SPEM2: variants seen among roughly 807,000 people sequenced by gnomAD.
SPEM2 encodes the protein uncharacterized protein SPEM2.
Under a neutral mutation model 9.3 loss-of-function variants are expected in SPEM2, and 15 were observed. The ratio of observed to expected loss-of-function variants is 1.62; its 90% CI spans 1.08 to 2.50. SPEM2 has a LOEUF of 2.50. SPEM2 is among the 30% of genes most tolerant of loss of function. The pLI is 0.00. For missense variants in SPEM2, 678 were observed against 690.0 expected (o/e 0.98, Z 0.19); for synonymous variants, 268 against 272.4 (o/e 0.98, Z 0.16).
Position 7,425,798 on chromosome 17 carries a change from T to A in SPEM2, c.110T>A (p.Val37Asp), listed in dbSNP as rs1567666810. ...CTGCTGCTGGGCCTCATCGTTCTTG[T>A]CAACATTGGCATCAACGTGGCAACT... ...LLLLLGLIVL[V>D]NIGINVATMM... Residue 37 changes from valine (V) to aspartate (D), a missense_variant, in exon 1 of 3, where the codon GTC becomes GAC. Transcript: ENST00000333870. 1 of 1,614,174 alleles carries A rather than the reference T, an allele frequency of 6.2e-7. No individual in the cohort carries two copies. Among genetic ancestry groups the A allele is most frequent in the East Asian group, 2.2e-5 (1 of 44,872 alleles).
chr17:7,427,523 G>T lies in SPEM2; in HGVS notation c.*26G>T. On this transcript the variant is annotated 3_prime_UTR_variant, in exon 3 of 3. Coordinates refer to ENST00000333870, the MANE Select transcript of SPEM2 (RefSeq NM_175734.5). This position sits in a 1 kb window ranked among gnomAD's most constrained non-coding sequence, Gnocchi z 5.4. ...CCAGCAGGCGGATGTGGGGTGTGGG[G>T]CAGGGCATGGAGGGAGAGGAATAAA... The T allele has an allele frequency of 1.9e-6, 3 of 1,546,302 alleles. No individual in the cohort carries two copies. The highest frequency in any genetic ancestry group is 2.6e-6 in the Non-Finnish European group (3 of 1,145,584).
In SPEM2 at chr17:7,426,944, C is replaced by T. The variant is rs371985456; in HGVS notation, c.953C>T (p.Thr318Met). 30 of 1,612,872 alleles carry T rather than the reference C, an allele frequency of 1.9e-5. No individual in the cohort carries two copies. The South Asian group carries it at 2.9e-4, about 15-fold the overall frequency. Residue 318 changes from threonine to methionine, a missense_variant, in exon 3 of 3, where the codon ACG becomes ATG. Thr to Met is a moderately conservative substitution (Grantham distance 81, BLOSUM62 -1). Coordinates refer to ENST00000333870, the MANE Select transcript of SPEM2 (RefSeq NM_175734.5). This position sits in a 1 kb window ranked among gnomAD's most constrained non-coding sequence, Gnocchi z 5.3. ...TCCTGGGATCAGCGGCGTCGTGGCACGGAGGGCTTTGAGCGCCCCCCTGCC... is the reference window on the plus strand; with the variant it reads ...TCCTGGGATCAGCGGCGTCGTGGCATGGAGGGCTTTGAGCGCCCCCCTGCC... Reference protein sequence around the residue: ...YDSWDQRRRGTEGFERPPASV... With the variant: ...YDSWDQRRRGMEGFERPPASV...
chr17:7,427,144 G>T lies in SPEM2; in HGVS notation c.1153G>T (p.Ala385Ser). 1.2e-6 allele frequency: 2 copies of T among 1,613,530 alleles called. No individual in the cohort carries two copies. Among genetic ancestry groups the T allele is most frequent in the Non-Finnish European group, 1.7e-6 (2 of 1,179,738 alleles). Residue 385 changes from alanine to serine, a missense_variant, in exon 3 of 3, where the codon GCA becomes TCA. Physicochemically the swap from Ala to Ser is moderately conservative, Grantham distance 99 (BLOSUM62 1). Coordinates refer to ENST00000333870, the MANE Select transcript of SPEM2 (RefSeq NM_175734.5). This position sits in a 1 kb window ranked among gnomAD's most constrained non-coding sequence, Gnocchi z 5.4. ...GGACCCCCGTGAGGTGCGGCGTCGG[G>T]CAGCTGACTGGGCTGAGGCTCTGCC... ...SQDPREVRRR[A>S]ADWAEALPAW...
rs377432669 is a variant in SPEM2, at chr17:7,426,735, G to C, written c.744G>C (p.Glu248Asp). The change falls in exon 3 of 3, where the codon GAG (glutamate) becomes GAC (aspartate). Residue 248 changes from glutamate to aspartate, a missense_variant. Coordinates refer to ENST00000333870, the MANE Select transcript of SPEM2 (RefSeq NM_175734.5). This position sits in a 1 kb window ranked among gnomAD's most constrained non-coding sequence, Gnocchi z 5.3. ...PELRCMPKRV[E>D]ARSELRLQSY... ...TGCGCTGCATGCCCAAGCGTGTAGA[G>C]GCCAGGTCTGAGCTGAGGCTGCAGT... 1 of 1,611,474 alleles carries C rather than the reference G, an allele frequency of 6.2e-7. No homozygotes were observed. The highest frequency in any genetic ancestry group is 1.3e-5 in the African/African-American group (1 of 74,880).
At position 7,426,385 on chromosome 17, in the gene SPEM2, C is replaced by G. The variant is rs373020435; in HGVS notation, c.394C>G (p.Arg132Gly). 1 of 1,613,552 alleles carries G rather than the reference C, an allele frequency of 6.2e-7. No homozygotes were observed. The highest frequency in any genetic ancestry group is 1.1e-5 in the South Asian group (1 of 91,084). The change falls in exon 3 of 3, where the codon CGC becomes GGC. Residue 132 changes from arginine to glycine, a missense_variant. Arg to Gly is a moderately radical substitution (Grantham distance 125). Transcript: ENST00000333870. The surrounding 1 kb of genome is among the most constrained non-coding windows in gnomAD (Gnocchi z 5.3). ...TGTTCGTCGCCGCCGCCGCCGCCAC[C>G]GCCGTTGTCGCCGTCGCTGCTGCAA... is the stretch of plus-strand genomic sequence containing the variant. ...RCVRRRRRRHRRCRRRCCNHQ... is the reference protein window; with the variant it reads ...RCVRRRRRRHGRCRRRCCNHQ...
Position 7,425,622 on chromosome 17 carries a change from G to T in SPEM2, c.-67G>T. ...ATCTCCGGGGATTGGCATGAGTGCA[G>T]TGTGGGTTGGGGCCGGGGGTGGGGG... On this transcript the variant is annotated 5_prime_UTR_variant, in exon 1 of 3. Coordinates refer to ENST00000333870, the MANE Select transcript of SPEM2 (RefSeq NM_175734.5). 6.6e-7 allele frequency: 1 copy of T among 1,523,460 alleles called. No homozygotes were observed. The highest frequency in any genetic ancestry group is 8.9e-7 in the Non-Finnish European group (1 of 1,128,018). The allele number at this position is 1,523,460 out of a possible 1,614,324, so 94.4% of individuals were successfully genotyped here.
At position 7,427,321 on chromosome 17, in the gene SPEM2, A is replaced by G. The variant is rs763606341; in HGVS notation, c.1330A>G (p.Met444Val). 1.2e-5 allele frequency: 19 copies of G among 1,613,782 alleles called. No individual in the cohort carries two copies. The highest frequency in any genetic ancestry group is 1.6e-5 in the Non-Finnish European group (19 of 1,179,944). Residue 444 changes from methionine (M) to valine (V), a missense_variant, in exon 3 of 3, where the codon ATG becomes GTG. Transcript: ENST00000333870. This position sits in a 1 kb window ranked among gnomAD's most constrained non-coding sequence, Gnocchi z 5.4. ...TGCGGACCCTGCCCCTCCCCCGACC[A>G]TGTTTGTCCCACTCAGCCGGAATCC... ...QAADPAPPPT[M>V]FVPLSRNPGG...
rs376609224 is a variant in SPEM2 at position 7,426,395 on chromosome 17, G to A, written c.404G>A (p.Arg135His). The stretch of plus-strand genomic sequence containing the variant: ...CGCCGCCGCCGCCACCGCCGTTGTC[G>A]CCGTCGCTGCTGCAACCACCAGCAG... ...RRRRRRHRRC[R>H]RRCCNHQQRP... Residue 135 changes from arginine (R) to histidine (H), a missense_variant, in exon 3 of 3, where the codon CGC becomes CAC. Arg to His is a conservative substitution (Grantham distance 29, BLOSUM62 0). Transcript: ENST00000333870. This position sits in a 1 kb window ranked among gnomAD's most constrained non-coding sequence, Gnocchi z 5.3. The A allele has an allele frequency of 7.4e-6, 12 of 1,613,394 alleles. No individual in the cohort carries two copies. The highest frequency in any genetic ancestry group is 4.5e-5 in the East Asian group (2 of 44,878).
Position 7,426,515 on chromosome 17 carries a change from T to A in SPEM2, c.524T>A (p.Phe175Tyr), listed in dbSNP as rs374770883. The A allele has an allele frequency of 3.1e-6, 5 of 1,614,008 alleles. No homozygotes were observed. The African/African-American group carries it at 6.7e-5, about 22-fold the overall frequency. ...QKMSQLHRVP[F>Y]FDQEDPDSYL... ...ATGTCACAACTACACCGAGTGCCTT[T>A]CTTTGATCAGGAGGACCCGGATTCC... The change falls in exon 3 of 3, where the codon TTC becomes TAC. Residue 175 changes from phenylalanine to tyrosine, a missense_variant. Phe to Tyr is a conservative substitution (Grantham distance 22). Coordinates refer to ENST00000333870, the MANE Select transcript of SPEM2 (RefSeq NM_175734.5). This position sits in a 1 kb window ranked among gnomAD's most constrained non-coding sequence, Gnocchi z 5.3.
rs767960254 is a variant in SPEM2 at position 7,426,583 on chromosome 17, T to A, written c.592T>A (p.Tyr198Asn). Residue 198 changes from tyrosine (Y) to asparagine (N), a missense_variant, in exon 3 of 3, where the codon TAC becomes AAC. Transcript: ENST00000333870. This position sits in a 1 kb window ranked among gnomAD's most constrained non-coding sequence, Gnocchi z 5.3. ...EDNLPFPYPK[Y>N]PRRGWGGFYQ... ...CAACCTGCCCTTCCCGTATCCCAAG[T>A]ACCCACGTCGCGGCTGGGGCGGGTT... The A allele has an allele frequency of 6.2e-7, 1 of 1,614,138 alleles. No individual in the cohort carries two copies. The highest frequency in any genetic ancestry group is 8.5e-7 in the Non-Finnish European group (1 of 1,179,990).
chr17:7,426,215 C>A lies in SPEM2; in HGVS notation c.224C>A (p.Pro75Gln). ...GAAATTCAGGCCAGTGAAAGTCCCCCAAGTGGTCCCCCAGACAAGGCTCAG... is the reference window on the plus strand; with the variant it reads ...GAAATTCAGGCCAGTGAAAGTCCCCAAAGTGGTCCCCCAGACAAGGCTCAG... ...KNEIQASESP[P>Q]SGPPDKAQDV... Residue 75 changes from proline (P) to glutamine (Q), a missense_variant, in exon 3 of 3, where the codon CCA (proline) becomes CAA (glutamine). Pro to Gln is a moderately conservative substitution (Grantham distance 76, BLOSUM62 -1). Transcript: ENST00000333870. The surrounding 1 kb of genome is among the most constrained non-coding windows in gnomAD (Gnocchi z 5.3). The A allele has an allele frequency of 6.2e-7, 1 of 1,613,850 alleles. No homozygotes were observed. The highest frequency in any genetic ancestry group is 8.5e-7 in the Non-Finnish European group (1 of 1,179,816).
At position 7,426,765 on chromosome 17, in the gene SPEM2, TG is replaced by T; in HGVS notation, c.777del (p.Arg260AlafsTer139). 6.2e-7 allele frequency: 1 copy of T among 1,604,124 alleles called. No homozygotes were observed. The highest frequency in any genetic ancestry group is 8.5e-7 in the Non-Finnish European group (1 of 1,174,324). ...ARSELRLQSY[G>X]RHGSQSRLWG... is the part of the protein sequence containing the mutation. ...GGTCTGAGCTGAGGCTGCAGTCCTATGGGCGCCACGGTTCCCAATCCCGACT... is the reference window on the plus strand; with the variant it reads ...GGTCTGAGCTGAGGCTGCAGTCCTATGGCGCCACGGTTCCCAATCCCGACT... On this transcript the variant is annotated frameshift_variant, in exon 3 of 3. Coordinates refer to ENST00000333870, the MANE Select transcript of SPEM2 (RefSeq NM_175734.5). LOFTEE classifies it low-confidence loss of function (END_TRUNC). This position sits in a 1 kb window ranked among gnomAD's most constrained non-coding sequence, Gnocchi z 5.3.
Position 7,426,737 on chromosome 17 carries a change from C to G in SPEM2, c.746C>G (p.Ala249Gly), listed in dbSNP as rs1336141581. ...CGCTGCATGCCCAAGCGTGTAGAGG[C>G]CAGGTCTGAGCTGAGGCTGCAGTCC... Reference protein sequence around the residue: ...ELRCMPKRVEARSELRLQSYG... With the variant: ...ELRCMPKRVEGRSELRLQSYG... The change falls in exon 3 of 3, where the codon GCC becomes GGC. Residue 249 changes from alanine to glycine, a missense_variant. Physicochemically the swap from Ala to Gly is moderately conservative, Grantham distance 60 (BLOSUM62 0). Transcript: ENST00000333870. This position sits in a 1 kb window ranked among gnomAD's most constrained non-coding sequence, Gnocchi z 5.3. 6.2e-7 allele frequency: 1 copy of G among 1,611,240 alleles called. No homozygotes were observed. Among genetic ancestry groups the G allele is most frequent in the Admixed American group, 1.7e-5 (1 of 59,828 alleles).
chr17:7,425,915 T>C (rs1296467669), intron 1 of SPEM2, 78 bp from the exon 2 acceptor site: 2 of 1,607,158 alleles, frequency 1.2e-6, no homozygotes, highest in Admixed American at 1.7e-5. Context: ...GCAGGTGCGG[T>C]CTAGATTGGG....
intron 1 of SPEM2, 25 bp downstream of exon 1, chr17:7,425,851 C>T (rs775533955): frequency 1.2e-6 from 2 of 1,613,872 alleles, no homozygotes; most frequent in South Asian, 1.1e-5. Flanking sequence ...TGGACTACCT[C>T]TGGGGGTGAA....
At position 7,427,312 on chromosome 17, in the gene SPEM2, C is replaced by T. The variant is rs774666797; in HGVS notation, c.1321C>T (p.Pro441Ser). ...PKVQAADPAP[P>S]PTMFVPLSRN... ...AGTCCAGGCTGCGGACCCTGCCCCT[C>T]CCCCGACCATGTTTGTCCCACTCAG... Residue 441 changes from proline to serine, a missense_variant, in exon 3 of 3, where the codon CCC becomes TCC. Physicochemically the swap from Pro to Ser is moderately conservative, Grantham distance 74. Coordinates refer to ENST00000333870, the MANE Select transcript of SPEM2 (RefSeq NM_175734.5). The surrounding 1 kb of genome is among the most constrained non-coding windows in gnomAD (Gnocchi z 5.4). 6.2e-7 allele frequency: 1 copy of T among 1,614,042 alleles called. No homozygotes were observed. Among genetic ancestry groups the T allele is most frequent in the South Asian group, 1.1e-5 (1 of 91,076 alleles).
rs1433240024 is a variant in SPEM2 at position 7,427,502 on chromosome 17, C to G, written c.*5C>G. The G allele has an allele frequency of 1.9e-6, 3 of 1,560,426 alleles. No homozygotes were observed. The highest frequency in any genetic ancestry group is 2.6e-6 in the Non-Finnish European group (3 of 1,151,952). ...CAGACCGAGAAACTCAACTGACCAG[C>G]AGGCGGATGTGGGGTGTGGGGCAGG... On this transcript the variant is annotated 3_prime_UTR_variant, in exon 3 of 3. Transcript: ENST00000333870. The surrounding 1 kb of genome is among the most constrained non-coding windows in gnomAD (Gnocchi z 5.4).
chr17:7,425,918 A>G (rs1907572252), intron 1 of SPEM2, 75 bp from the exon 2 acceptor site: 2 of 1,604,092 alleles, frequency 1.2e-6, no homozygotes, highest in Non-Finnish European at 1.7e-6. Context: ...GGTGCGGTCT[A>G]GATTGGGGCG....
Position 7,426,261 on chromosome 17 carries a change from C to G in SPEM2, c.270C>G (p.Ile90Met). Residue 90 changes from isoleucine to methionine, a missense_variant, in exon 3 of 3, where the codon ATC (isoleucine) becomes ATG (methionine). Coordinates refer to ENST00000333870, the MANE Select transcript of SPEM2 (RefSeq NM_175734.5). This position sits in a 1 kb window ranked among gnomAD's most constrained non-coding sequence, Gnocchi z 5.3. ...CTCAGGATGTCCACATCCACTGCAT[C>G]CTGGACCCTGTGCAGGTGAAGATGT... ...DKAQDVHIHC[I>M]LDPVQVKMSR... 1 of 1,614,180 alleles carries G rather than the reference C, an allele frequency of 6.2e-7. No individual in the cohort carries two copies. Among genetic ancestry groups the G allele is most frequent in the Admixed American group, 1.7e-5 (1 of 60,024 alleles).
Sources: allele counts gnomAD v4.1 joint callset, GRCh38; gene constraint gnomAD v4.1.1; non-coding constraint Gnocchi (gnomAD v3.1); transcripts MANE v1.5; gene names NCBI Gene and HGNC (gene_info 2026-07-23, HGNC 2026-07-21).